Variants in ATG4C observed in about 807,000 individuals in gnomAD.
ATG4C encodes autophagy related 4C cysteine peptidase, also known as cysteine protease ATG4C.
In ATG4C, 56 loss-of-function variants were observed where a neutral mutation model predicts 57.6. The ratio of observed to expected loss-of-function variants is 0.97; its 90% CI spans 0.78 to 1.21. The LOEUF is 1.21. Ranked by LOEUF, ATG4C falls within the 50% of genes most tolerant of loss-of-function variation. The probability of loss-of-function intolerance (pLI) is 0.00; values close to 1 mark genes in which losing one functional copy is unlikely to be tolerated. For missense variants in ATG4C, 595 were observed against 529.8 expected (o/e 1.12, Z -1.21); for synonymous variants, 157 against 174.1 (o/e 0.90, Z 0.78).
At chr1:62,825,234 T>TAAA (rs71045856) in intron 6 of ATG4C, among the ~76,000 whole-genome samples, 1 of 127,028 alleles carries the variant, frequency 7.9e-6, no homozygotes, top group African/African-American at 3.0e-5. Flanking sequence ...AGACTCCGTC[T>TAAA]AAAAAAAAAA....
intron 1 of ATG4C, among the ~76,000 whole-genome samples, chr1:62,797,445 ATAGT>A (rs1376495787): frequency 2.2e-4 from 34 of 152,194 alleles, no homozygotes; most frequent in African/African-American, 7.7e-4. Context: ...AATTTGAGAA[ATAGT>A]TATGTTATTG....
chr1:62,862,692 T>G (rs1666891871), intron 10 of ATG4C, among the ~76,000 whole-genome samples: 1 of 152,078 alleles, frequency 6.6e-6, no homozygotes, highest in Non-Finnish European at 1.5e-5. Context: ...TGATTGTTTT[T>G]TAATGGTTCA....
chr1:62,800,851 C>T (rs1426614251), intron 1 of ATG4C, among the ~76,000 whole-genome samples: 2 of 152,080 alleles, frequency 1.3e-5, no homozygotes, highest in African/African-American at 2.4e-5. Flanking sequence ...ACGTAGGATC[C>T]TATGAGAACT....
At position 62,864,325 on chromosome 1, in the gene ATG4C, A is replaced by G; in HGVS notation, c.*166A>G. The G allele has an allele frequency of 7.3e-6, 4 of 551,056 alleles. No homozygotes were observed. In the South Asian group the frequency reaches 9.6e-5, roughly 13 times the overall value. 34.1% of individuals were successfully genotyped at this position (551,056 alleles called of 1,614,324 possible). A position where few individuals can be genotyped will look rare whatever the true frequency, so the allele number is the denominator to read the frequency against. The stretch of plus-strand genomic sequence containing the variant: ...AGTTAAAGATATTTTTCTAAAAGAG[A>G]AATGATTTAATGAATCTTGCTTTCT... On this transcript the variant is annotated 3_prime_UTR_variant, in exon 11 of 11. Transcript: ENST00000317868.
intron 7 of ATG4C, among the ~76,000 whole-genome samples, chr1:62,833,503 G>A (rs138412938): frequency 9.9e-5 from 15 of 152,092 alleles, no homozygotes; most frequent in African/African-American, 3.4e-4. Flanking sequence ...TATTTTCATT[G>A]GATTAAGTTA....
chr1:62,831,496 G>A (rs1171352315), intron 7 of ATG4C, among the ~76,000 whole-genome samples: 1 of 152,144 alleles, frequency 6.6e-6, no homozygotes, highest in South Asian at 2.1e-4. Flanking sequence ...TGTATGAGAA[G>A]AAGGAAATTT....
At chr1:62,856,151 A>G (rs926526711) in intron 10 of ATG4C, among the ~76,000 whole-genome samples, 4 of 152,058 alleles carry the variant, frequency 2.6e-5, no homozygotes, top group African/African-American at 9.7e-5. Flanking sequence ...GCCCATCACT[A>G]TTTTGGTTAA....
At chr1:62,823,984 G>T (rs1665567184) in intron 6 of ATG4C, among the ~76,000 whole-genome samples, 1 of 152,024 alleles carries the variant, frequency 6.6e-6, no homozygotes, top group African/African-American at 2.4e-5. Context: ...ATTCACTTGT[G>T]ATATCACCTT....
chr1:62,824,850 T>C (rs1026288561), intron 6 of ATG4C, among the ~76,000 whole-genome samples: 5 of 152,072 alleles, frequency 3.3e-5, no homozygotes, highest in African/African-American at 1.2e-4. Context: ...AAATTTTTTA[T>C]AGAGATGAAG....
intron 10 of ATG4C, among the ~76,000 whole-genome samples, chr1:62,848,480 G>A (rs568539596): frequency 6.6e-6 from 1 of 152,162 alleles, no homozygotes; most frequent in East Asian, 1.9e-4. Flanking sequence ...CTGTTACCTG[G>A]TGATAAATTC....
rs971981338 is a variant in ATG4C, at chr1:62,803,796, A to G, written c.10A>G (p.Thr4Ala). The G allele has an allele frequency of 6.2e-7, 1 of 1,606,196 alleles. No homozygotes were observed. Among genetic ancestry groups the G allele is most frequent in the Non-Finnish European group, 8.5e-7 (1 of 1,175,418 alleles). ...CCTTTAGAATTTGAATATGGAGGCT[A>G]CAGGAACAGATGAAGTTGACAAGCT... MEA[T>A]GTDEVDKLKT... The change falls in exon 2 of 11, where the codon ACA becomes GCA. Residue 4 changes from threonine (T) to alanine (A), a missense_variant. Thr to Ala is a moderately conservative substitution (Grantham distance 58, BLOSUM62 0). Transcript: ENST00000317868.
intron 10 of ATG4C, among the ~76,000 whole-genome samples, chr1:62,849,159 G>A (rs980861455): frequency 2.0e-5 from 3 of 151,980 alleles, no homozygotes; most frequent in African/African-American, 7.2e-5. Context: ...GATGTCTGCC[G>A]CCTGCCAGGT....
At chr1:62,841,684 A>G (rs975748380) in intron 10 of ATG4C, 137 bp downstream of exon 10, 2 of 745,736 alleles carry the variant, frequency 2.7e-6, no homozygotes, top group African/African-American at 3.7e-5. Context: ...AGTATTGTGA[A>G]TTGAAAAATA....
At chr1:62,837,822 T>C (rs1666042532) in intron 9 of ATG4C, among the ~76,000 whole-genome samples, 1 of 152,182 alleles carries the variant, frequency 6.6e-6, no homozygotes, top group Non-Finnish European at 1.5e-5. Context: ...AGGGTCTTGC[T>C]CTGTTACCAC....
intron 6 of ATG4C, among the ~76,000 whole-genome samples, chr1:62,828,007 GCATAGTATTC>G (rs1267914553): frequency 3.3e-5 from 5 of 152,160 alleles, no homozygotes; most frequent in African/African-American, 1.2e-4. Context: ...TTTTATGGCT[GCATAGTATTC>G]CATGGTGTAT....
intron 10 of ATG4C, among the ~76,000 whole-genome samples, chr1:62,856,973 C>T (rs982088623): frequency 6.6e-6 from 1 of 152,160 alleles, no homozygotes; most frequent in African/African-American, 2.4e-5. Context: ...TTTCCTCTAC[C>T]TGCAAGCCAC....
chr1:62,848,973 T>A (rs953290233), intron 10 of ATG4C, among the ~76,000 whole-genome samples: 1 of 152,232 alleles, frequency 6.6e-6, no homozygotes, highest in Admixed American at 6.5e-5. Flanking sequence ...TAGATTGTCC[T>A]CTCAATTTGG....
rs573138409 is a variant in ATG4C at position 62,863,133 on chromosome 1, T to A, written c.1210-859T>A. Among the ~76,000 whole-genome samples the A allele has an allele frequency of 3.9e-5, 6 of 152,108 alleles. No homozygotes were observed. The East Asian group carries it at 1.2e-3, about 29-fold the overall frequency. ...ACAGAAATATTTAAAATTGTTTATA[T>A]TATACTTGTGAATCTCAAATTGATG... is the stretch of plus-strand genomic sequence containing the variant. On this transcript the variant is annotated intron_variant, in intron 10 of 10. Coordinates refer to ENST00000317868, the MANE Select transcript of ATG4C (RefSeq NM_032852.4).
chr1:62,850,882 A>G lies in ATG4C; in HGVS notation c.1209+9335A>G, dbSNP rs1264125175. 9.4e-4 allele frequency among the ~76,000 whole-genome samples: 73 copies of G among 78,050 alleles called. 3 individuals are homozygous for G. The highest frequency in any genetic ancestry group is 3.2e-3 in the South Asian group (9 of 2,796). The allele number at this position is 78,050 out of a possible 152,430, so 51.2% of individuals were successfully genotyped here. ...TATATATATATATATATATATATAT[A>G]TATATATATATATATATATACATAC... On this transcript the variant is annotated intron_variant, in intron 10 of 10. Coordinates refer to ENST00000317868, the MANE Select transcript of ATG4C (RefSeq NM_032852.4).
Sources: allele counts gnomAD v4.1 joint callset (sites outside exome capture counted in the v4.1 genomes callset), GRCh38; gene constraint gnomAD v4.1.1; transcripts MANE v1.5; gene names NCBI Gene and HGNC (gene_info 2026-07-23, HGNC 2026-07-21).